Variants in JAK1 observed in about 807,000 individuals in gnomAD.
JAK1 encodes Janus kinase 1.
Under a neutral mutation model 136.6 loss-of-function variants are expected in JAK1, and 16 were observed. That is an observed-to-expected ratio of 0.12 (90% CI 0.08 to 0.18). The LOEUF (loss-of-function observed/expected upper bound fraction) is 0.18, where lower values mean the gene tolerates loss of function less well. Among genes scored for constraint, JAK1 ranks in the 10% least tolerant of loss-of-function variants. JAK1 has a pLI of 1.00. For synonymous variants in JAK1, 492 were observed against 519.5 expected, an observed-to-expected ratio of 0.95 and a Z score of 0.72; for missense variants, 859 against 1,450.1, an observed-to-expected ratio of 0.59 and a Z score of 6.62.
At chr1:65,064,600 A>C (rs486378) in intron 1 of JAK1, among the ~76,000 whole-genome samples, 1 of 152,216 alleles carries the variant, frequency 6.6e-6, no homozygotes, top group African/African-American at 2.4e-5. Flanking sequence ...CAAAGACAAG[A>C]AGTTAATTTC....
chr1:65,042,053 C>CAA (rs1425853409), intron 2 of JAK1, among the ~76,000 whole-genome samples: 2 of 151,450 alleles, frequency 1.3e-5, no homozygotes, highest in African/African-American at 4.9e-5. Context: ...CAAAACAAAA[C>CAA]AAAACAAAAC....
chr1:65,037,769 C>G (rs1647088226), intron 2 of JAK1, among the ~76,000 whole-genome samples: 1 of 152,090 alleles, frequency 6.6e-6, no homozygotes, highest in African/African-American at 2.4e-5. Flanking sequence ...GAGGCTGAGG[C>G]AAGAGGATCG....
At chr1:64,854,330 A>G (rs900869971) in intron 11 of JAK1, among the ~76,000 whole-genome samples, 2 of 152,168 alleles carry the variant, frequency 1.3e-5, no homozygotes, top group Non-Finnish European at 2.9e-5. Flanking sequence ...TCTGACACTC[A>G]TGGGGCCTCA....
At chr1:64,999,367 C>G (rs1250539134) in intron 2 of JAK1, among the ~76,000 whole-genome samples, 1 of 152,136 alleles carries the variant, frequency 6.6e-6, no homozygotes, top group African/African-American at 2.4e-5. Context: ...GGACATTCCC[C>G]TTGGCTCTCT....
chr1:65,021,600 G>A (rs890698396), intron 2 of JAK1, among the ~76,000 whole-genome samples: 2 of 152,162 alleles, frequency 1.3e-5, no homozygotes, highest in African/African-American at 4.8e-5. Flanking sequence ...GTGGGCCAAG[G>A]AATGCTAAGA....
chr1:64,876,855 C>T lies in JAK1; in HGVS notation c.329+2170G>A, dbSNP rs542336340. On this transcript the variant is annotated intron_variant, in intron 4 of 24. Transcript: ENST00000342505. ...CAAATAGACATCAATCAGAGCTACG[C>T]ACTGCAAGTTTTTGAGAAAATTATG... Among the ~76,000 whole-genome samples, 60 of 152,250 alleles carry T rather than the reference C, an allele frequency of 3.9e-4. 1 individual carries two copies. The highest frequency in any genetic ancestry group is 1.4e-3 in the African/African-American group (58 of 41,544).
chr1:65,056,231 G>T (rs141538676), intron 1 of JAK1, among the ~76,000 whole-genome samples: 2 of 152,190 alleles, frequency 1.3e-5, no homozygotes, highest in Non-Finnish European at 2.9e-5. Flanking sequence ...AATCAAAAAC[G>T]TAGTGTAGCT....
upstream of JAK1, among the ~76,000 whole-genome samples, chr1:64,970,134 CAAAAAAAAAAAA>C (rs1232133832): frequency 4.0e-5 from 2 of 49,502 alleles, no homozygotes; most frequent in Non-Finnish European, 6.1e-5. Context: ...GACCCTGTCT[CAAAAAAAAAAAA>C]AAAAAAAAAC....
intron 12 of JAK1, chr1:64,848,178 G>GT (rs1351050538): frequency 6.5e-5 from 10 of 153,942 alleles, no homozygotes; most frequent in African/African-American, 2.2e-4. Flanking sequence ...GGTAATAATG[G>GT]TACTGACCTC....
chr1:64,938,800 T>C (rs554051366), intron 1 of JAK1, among the ~76,000 whole-genome samples: 1 of 152,348 alleles, frequency 6.6e-6, no homozygotes, highest in East Asian at 1.9e-4. Flanking sequence ...TACATAAGGA[T>C]ATGATGTGGG....
At chr1:65,031,031 G>A (rs12061685) in intron 2 of JAK1, among the ~76,000 whole-genome samples, 1,614 of 151,918 alleles carry the variant, frequency 0.011, 34 homozygotes, top group African/African-American at 0.037. Context: ...GCGCACACCT[G>A]TAGTCCCAGC....
chr1:65,064,600 A>G (rs486378), intron 1 of JAK1, among the ~76,000 whole-genome samples: 143,043 of 152,326 alleles, frequency 0.94, 67,231 homozygotes, highest in East Asian at 1. Flanking sequence ...CAAAGACAAG[A>G]AGTTAATTTC....
chr1:65,006,399 C>G (rs539417141), intron 2 of JAK1, among the ~76,000 whole-genome samples: 2 of 152,104 alleles, frequency 1.3e-5, no homozygotes, highest in Non-Finnish European at 2.9e-5. Context: ...ACTCTTTTGC[C>G]CAGGCTGGAG....
rs577731216 is a variant in JAK1, at chr1:64,907,246, T to C, written c.-77-20905A>G. On this transcript the variant is annotated intron_variant, in intron 1 of 24. Coordinates refer to ENST00000342505, the MANE Select transcript of JAK1 (RefSeq NM_002227.4). The stretch of plus-strand genomic sequence containing the variant: ...TGTATGCATACGTTCTATCTAAATA[T>C]ACTTACATATTCCTCCTGGCATCCT... Among the ~76,000 whole-genome samples, 6 of 152,312 alleles carry C rather than the reference T, an allele frequency of 3.9e-5. No individual in the cohort carries two copies. In the East Asian group the frequency reaches 1.2e-3, roughly 29 times the overall value.
Position 65,015,747 on chromosome 1 carries a change from A to T in JAK1, c.-78+28733T>A, listed in dbSNP as rs184694340. On this transcript the variant is annotated intron_variant, in intron 2 of 25. Coordinates refer to the JAK1 transcript ENST00000671954. ...TTTATGTTAATAGTACACAAAATAGACTTTAAGCCAAAAATCATTATTGAA... is the reference window on the plus strand; with the variant it reads ...TTTATGTTAATAGTACACAAAATAGTCTTTAAGCCAAAAATCATTATTGAA... Among the ~76,000 whole-genome samples the T allele has an allele frequency of 1.4e-4, 21 of 152,314 alleles. No homozygotes were observed. In the East Asian group the frequency reaches 4.1e-3, roughly 29 times the overall value.
intron 2 of JAK1, among the ~76,000 whole-genome samples, chr1:65,039,250 C>G (rs1245675781): frequency 2.0e-5 from 3 of 152,196 alleles, no homozygotes; most frequent in Non-Finnish European, 4.4e-5. Flanking sequence ...CAGTTGCTCT[C>G]TTTGTTCCCA....
intron 1 of JAK1, among the ~76,000 whole-genome samples, chr1:64,934,735 T>C (rs1205650784): frequency 6.6e-6 from 1 of 152,234 alleles, no homozygotes; most frequent in Non-Finnish European, 1.5e-5. Flanking sequence ...AGTCACTCTC[T>C]TCTCTGTGCT....
chr1:64,995,057 A>T (rs184819970), intron 2 of JAK1: 1 of 151,780 alleles, frequency 6.6e-6, no homozygotes, highest in East Asian at 1.9e-4. Flanking sequence ...TCTTTATTTT[A>T]GGCTGTTGAT....
At chr1:64,973,594 A>G (rs1453865706) in intron 2 of JAK1, 2 of 150,694 alleles carry the variant, frequency 1.3e-5, no homozygotes, top group East Asian at 3.9e-4. Flanking sequence ...TTCACCTTTT[A>G]ACAATCCCTT....
Sources: gnomAD v4.1 joint callset for allele counts (sites outside exome capture counted in the v4.1 genomes callset) on GRCh38, gnomAD v4.1.1 for gene constraint, MANE v1.5 for transcripts, NCBI Gene and HGNC (gene_info 2026-07-23, HGNC 2026-07-21) for gene names.